The following C7orf78 variants were observed in gnomAD, a reference collection of about 807,000 sequenced individuals.
C7orf78 encodes chromosome 7 open reading frame 78, also known as putative uncharacterized protein C7orf78.
At chr7:12,536,437 G>A in the C7orf78 span, among the ~76,000 whole-genome samples, 2 of 152,100 alleles carry the variant, frequency 1.3e-5, no homozygotes, top group African/African-American at 4.8e-5. Flanking sequence ...GGGGACCCTG[G>A]TCCTGGCCCA....
At chr7:12,511,744 GTTTTTGT>G in the C7orf78 span, among the ~76,000 whole-genome samples, 12 of 151,020 alleles carry the variant, frequency 7.9e-5, no homozygotes, top group Non-Finnish European at 1.0e-4. Flanking sequence ...GTTTTTTTGG[GTTTTTGT>G]TTTTTGTTTT....
the C7orf78 span, among the ~76,000 whole-genome samples, chr7:12,488,341 T>C: frequency 6.6e-6 from 1 of 152,174 alleles, no homozygotes; most frequent in South Asian, 2.1e-4. Context: ...GAGCTCTTCA[T>C]TAAAACTCTG....
At chr7:12,508,667 C>G in the C7orf78 span, among the ~76,000 whole-genome samples, 1 of 152,142 alleles carries the variant, frequency 6.6e-6, no homozygotes, top group African/African-American at 2.4e-5. Context: ...GCCTCCAACC[C>G]AAACCAGGCC....
At chr7:12,511,428 G>C in the C7orf78 span, among the ~76,000 whole-genome samples, 1 of 152,156 alleles carries the variant, frequency 6.6e-6, no homozygotes. Flanking sequence ...TTGGTATTAT[G>C]ATAGGGATTC....
the C7orf78 span, chr7:12,491,796 T>G: frequency 2.2e-4 from 33 of 152,166 alleles, no homozygotes; most frequent in African/African-American, 7.5e-4. Context: ...TTAAAAACAG[T>G]GATAACATTC....
At chr7:12,541,817 T>C in the C7orf78 span, 7 of 152,174 alleles carry the variant, frequency 4.6e-5, no homozygotes, top group Non-Finnish European at 7.4e-5. Context: ...TTTTTTCTAA[T>C]ACACTTTAAG....
At chr7:12,541,467 A>C in the C7orf78 span, 1 of 152,204 alleles carries the variant, frequency 6.6e-6, no homozygotes, top group Non-Finnish European at 1.5e-5. Flanking sequence ...CAAGGTAGCA[A>C]CCAGAATTGA....
the C7orf78 span, chr7:12,528,861 C>G: frequency 1.3e-5 from 5 of 397,862 alleles, no homozygotes; most frequent in Admixed American, 4.4e-5. Flanking sequence ...AACAAAGACA[C>G]GTGCCATTGC....
the C7orf78 span, among the ~76,000 whole-genome samples, chr7:12,520,301 G>C: frequency 6.6e-6 from 1 of 152,184 alleles, no homozygotes; most frequent in Non-Finnish European, 1.5e-5. Context: ...GCAAGTGCCC[G>C]ATGCCTCTAG....
the C7orf78 span, among the ~76,000 whole-genome samples, chr7:12,502,536 C>G: frequency 6.7e-6 from 1 of 149,748 alleles, no homozygotes; most frequent in Non-Finnish European, 1.5e-5. Context: ...CAATGAGATA[C>G]CATCTCACAC....
At chr7:12,523,259 A>C in the C7orf78 span, 3 of 398,320 alleles carry the variant, frequency 7.5e-6, no homozygotes, top group Non-Finnish European at 1.3e-5. Context: ...TCCAGAAACA[A>C]TGCTTCACTT....
chr7:12,490,375 T>C, the C7orf78 span, among the ~76,000 whole-genome samples: 111 of 152,290 alleles, frequency 7.3e-4, no homozygotes, highest in Non-Finnish European at 1.3e-3. Context: ...CCCAGGACGA[T>C]GTCATCATGT....
At chr7:12,495,929 A>T in the C7orf78 span, among the ~76,000 whole-genome samples, 321 of 146,832 alleles carry the variant, frequency 2.2e-3, 1 homozygote, top group Admixed American at 4.2e-3. Context: ...CTCAAAAAAA[A>T]TTTTTTTTTT....
At chr7:12,537,955 T>C in the C7orf78 span, among the ~76,000 whole-genome samples, 1 of 152,156 alleles carries the variant, frequency 6.6e-6, no homozygotes, top group Non-Finnish European at 1.5e-5. Context: ...ATTCCATTTA[T>C]ATAAAGGAAA....
the C7orf78 span, among the ~76,000 whole-genome samples, chr7:12,488,754 C>A: frequency 6.6e-6 from 1 of 151,818 alleles, no homozygotes; most frequent in African/African-American, 2.4e-5. Context: ...AAGTGAAATT[C>A]AAAAAGAATT....
the C7orf78 span, among the ~76,000 whole-genome samples, chr7:12,521,742 A>C: frequency 6.6e-6 from 1 of 150,538 alleles, no homozygotes; most frequent in Non-Finnish European, 1.5e-5. Flanking sequence ...ATAACTTGCT[A>C]ACCATTTTCC....
At chr7:12,495,901 A>G in the C7orf78 span, among the ~76,000 whole-genome samples, 13 of 151,964 alleles carry the variant, frequency 8.6e-5, no homozygotes, top group Non-Finnish European at 1.8e-4. Context: ...GCGTTCCCAA[A>G]TTTGTGGAGC....
At chr7:12,537,712 TTACATTA>T in the C7orf78 span, among the ~76,000 whole-genome samples, 2 of 152,152 alleles carry the variant, frequency 1.3e-5, no homozygotes, top group Admixed American at 1.3e-4. Context: ...GTGATAACCT[TTACATTA>T]GAGACAAGTC....
chr7:12,486,414 C>T, the C7orf78 span, among the ~76,000 whole-genome samples: 158 of 151,850 alleles, frequency 1.0e-3, no homozygotes, highest in Non-Finnish European at 1.8e-3. Context: ...GTTTTATTTG[C>T]TCTTTGGTGC....
Sources: gnomAD v4.1 joint callset for allele counts (sites outside exome capture counted in the v4.1 genomes callset) on GRCh38, gnomAD v4.1.1 for gene constraint, MANE v1.5 for transcripts, NCBI Gene and HGNC (gene_info 2026-07-23, HGNC 2026-07-21) for gene names.